Variants in GRIN2B observed in about 807,000 individuals in gnomAD.
The protein encoded by GRIN2B is glutamate receptor ionotropic, NMDA 2B.
Under a neutral mutation model 114.5 loss-of-function variants are expected in GRIN2B, and 5 were observed. The observed-to-expected ratio is 0.04, with a 90% CI of 0.02 to 0.09. The LOEUF (loss-of-function observed/expected upper bound fraction) is 0.09, where lower values mean the gene tolerates loss of function less well. Among genes scored for constraint, GRIN2B ranks in the 10% least tolerant of loss-of-function variants. The pLI, the probability that GRIN2B is intolerant of heterozygous loss-of-function variation, is 1.00. For missense variants in GRIN2B, 1,108 were observed against 1,943.5 expected, an observed-to-expected ratio of 0.57 and a Z score of 8.08; for synonymous variants, 787 against 745.1, an observed-to-expected ratio of 1.06 and a Z score of -0.92.
At chr12:13,646,322 C>T (rs2136512180) in intron 5 of GRIN2B, among the ~76,000 whole-genome samples, 1 of 152,220 alleles carries the variant, frequency 6.6e-6, no homozygotes, top group African/African-American at 2.4e-5. Flanking sequence ...TTAAGAATAC[C>T]TGCCTTAGTG....
intron 3 of GRIN2B, among the ~76,000 whole-genome samples, chr12:13,776,393 C>A (rs545319335): frequency 1.3e-5 from 2 of 151,990 alleles, no homozygotes; most frequent in Non-Finnish European, 2.9e-5. Flanking sequence ...ATGTAACAAA[C>A]CTGCACATGT....
At chr12:13,738,451 T>C (rs765499979) in intron 4 of GRIN2B, among the ~76,000 whole-genome samples, 1 of 152,214 alleles carries the variant, frequency 6.6e-6, no homozygotes, top group South Asian at 2.1e-4. Context: ...TTGCCAGTTT[T>C]ACTGATGAAA....
At chr12:13,773,494 G>T (rs1047656430) in intron 3 of GRIN2B, among the ~76,000 whole-genome samples, 1 of 152,218 alleles carries the variant, frequency 6.6e-6, no homozygotes, top group Non-Finnish European at 1.5e-5. Context: ...TGGAACAGAA[G>T]TCTACATCTT....
At chr12:13,793,453 C>T (rs187316846) in intron 3 of GRIN2B, among the ~76,000 whole-genome samples, 1 of 151,970 alleles carries the variant, frequency 6.6e-6, no homozygotes, top group East Asian at 1.9e-4. Flanking sequence ...ACTCACAAAT[C>T]CTTAGTTCTC....
At chr12:13,621,094 G>C (rs1949507851) in intron 5 of GRIN2B, among the ~76,000 whole-genome samples, 1 of 152,122 alleles carries the variant, frequency 6.6e-6, no homozygotes, top group South Asian at 2.1e-4. Context: ...AACAAAAAAG[G>C]AAACAAAAAT....
At chr12:13,640,453 C>T (rs957923474) in intron 5 of GRIN2B, among the ~76,000 whole-genome samples, 1 of 152,108 alleles carries the variant, frequency 6.6e-6, no homozygotes, top group African/African-American at 2.4e-5. Context: ...ATTGATCTTG[C>T]CTTCTGTCTG....
At chr12:13,722,062 G>A (rs1456264440) in intron 4 of GRIN2B, among the ~76,000 whole-genome samples, 1 of 152,132 alleles carries the variant, frequency 6.6e-6, no homozygotes, top group Non-Finnish European at 1.5e-5. Flanking sequence ...GTGACCACTG[G>A]TGACTTTGGC....
intron 3 of GRIN2B, among the ~76,000 whole-genome samples, chr12:13,812,987 G>A (rs1281702260): frequency 3.5e-5 from 5 of 143,868 alleles, no homozygotes; most frequent in Admixed American, 7.2e-5. Context: ...AGGCTGGAGT[G>A]CAGTGGTCCG....
chr12:13,841,015 T>C (rs895851758), intron 3 of GRIN2B, among the ~76,000 whole-genome samples: 7 of 152,236 alleles, frequency 4.6e-5, no homozygotes, highest in Non-Finnish European at 2.9e-5. Flanking sequence ...TTTTTACAAA[T>C]ATATATTGGA....
intron 4 of GRIN2B, among the ~76,000 whole-genome samples, chr12:13,681,018 C>T (rs1229190018): frequency 6.6e-6 from 1 of 151,944 alleles, no homozygotes; most frequent in Non-Finnish European, 1.5e-5. Context: ...CCTTCTGCCT[C>T]TCTGACTCTG....
chr12:13,723,923 G>A (rs1862928326), intron 4 of GRIN2B, among the ~76,000 whole-genome samples: 1 of 152,096 alleles, frequency 6.6e-6, no homozygotes, highest in Non-Finnish European at 1.5e-5. Flanking sequence ...CTACCAAAGA[G>A]ACTAAATGCA....
intron 10 of GRIN2B, among the ~76,000 whole-genome samples, chr12:13,576,143 A>G (rs1053993961): frequency 2.6e-5 from 4 of 152,090 alleles, no homozygotes; most frequent in African/African-American, 9.7e-5. Flanking sequence ...AGATCTGTGA[A>G]GTTTACATAA....
At chr12:13,897,061 C>T (rs1866366092) in intron 2 of GRIN2B, among the ~76,000 whole-genome samples, 1 of 152,052 alleles carries the variant, frequency 6.6e-6, no homozygotes, top group South Asian at 2.1e-4. Flanking sequence ...CATTCAAAAT[C>T]CTCCTTCTCT....
At chr12:13,922,155 G>T (rs1034426393) in intron 2 of GRIN2B, among the ~76,000 whole-genome samples, 4 of 152,132 alleles carry the variant, frequency 2.6e-5, no homozygotes, top group Non-Finnish European at 5.9e-5. Context: ...CTGGATTTGA[G>T]TAGTGTAAAA....
intron 3 of GRIN2B, among the ~76,000 whole-genome samples, chr12:13,855,267 G>A (rs1865641001): frequency 6.6e-6 from 1 of 151,872 alleles, no homozygotes; most frequent in Non-Finnish European, 1.5e-5. Context: ...GAGTGAGAGA[G>A]CAAAAGCTCT....
intron 3 of GRIN2B, among the ~76,000 whole-genome samples, chr12:13,791,206 G>T (rs112295537): frequency 6.6e-6 from 1 of 152,172 alleles, no homozygotes; most frequent in Non-Finnish European, 1.5e-5. Context: ...GCTCACACTT[G>T]TAATCCCAGC....
intron 5 of GRIN2B, among the ~76,000 whole-genome samples, chr12:13,619,237 T>C (rs141877947): frequency 1.7e-3 from 255 of 152,306 alleles, no homozygotes; most frequent in African/African-American, 5.8e-3. Context: ...AATGTAACAG[T>C]ATTTGTACTC....
chr12:13,650,958 C>T (rs1241648744), intron 5 of GRIN2B, among the ~76,000 whole-genome samples: 1 of 151,922 alleles, frequency 6.6e-6, no homozygotes, highest in African/African-American at 2.4e-5. Flanking sequence ...ATGCAGAACT[C>T]TCTGGTCAAA....
intron 2 of GRIN2B, among the ~76,000 whole-genome samples, chr12:13,925,282 C>A (rs1262579098): frequency 6.6e-6 from 1 of 152,060 alleles, no homozygotes; most frequent in African/African-American, 2.4e-5. Flanking sequence ...CTGGTTTCTG[C>A]AAAATCCTAT....
Sources: allele counts gnomAD v4.1 joint callset (sites outside exome capture counted in the v4.1 genomes callset), GRCh38; gene constraint gnomAD v4.1.1; transcripts MANE v1.5; gene names NCBI Gene and HGNC (gene_info 2026-07-23, HGNC 2026-07-21).